TMEM132B: variants seen among roughly 807,000 people sequenced by gnomAD.
TMEM132B encodes transmembrane protein 132B.
A neutral mutation model predicts 90.8 loss-of-function variants in TMEM132B; 18 were observed. The ratio of observed to expected loss-of-function variants is 0.20; its 90% CI spans 0.14 to 0.29. The LOEUF (loss-of-function observed/expected upper bound fraction) is 0.29. TMEM132B is among the 10% of genes least tolerant of loss of function. The pLI is 1.00. For synonymous variants in TMEM132B, 504 were observed against 523.3 expected, an observed-to-expected ratio of 0.96 and a Z score of 0.50; for missense variants, 1,096 against 1,326.8, an observed-to-expected ratio of 0.83 and a Z score of 2.70.
intron 3 of TMEM132B, among the ~76,000 whole-genome samples, chr12:125,434,565 T>C (rs1471913165): frequency 6.6e-6 from 1 of 152,158 alleles, no homozygotes; most frequent in Non-Finnish European, 1.5e-5. Flanking sequence ...CCAGCCTCAG[T>C]GGCCGCCCTG....
chr12:125,444,444 C>T (rs1310568092), intron 3 of TMEM132B, among the ~76,000 whole-genome samples: 1 of 152,146 alleles, frequency 6.6e-6, no homozygotes, highest in East Asian at 1.9e-4. Context: ...CCTCTTACTA[C>T]TCTTTCATAT....
At chr12:125,543,711 G>A (rs1244540458) in intron 4 of TMEM132B, among the ~76,000 whole-genome samples, 2 of 152,294 alleles carry the variant, frequency 1.3e-5, no homozygotes. Flanking sequence ...AGATGCTGGC[G>A]AGGTTGCGGA....
At chr12:125,434,649 C>T (rs572080727) in intron 3 of TMEM132B, among the ~76,000 whole-genome samples, 3 of 152,330 alleles carry the variant, frequency 2.0e-5, no homozygotes, top group East Asian at 1.9e-4. Context: ...CGCGTTCCAT[C>T]GAGGGGTCTC....
At chr12:125,241,725 T>C (rs1413271927) in intron 1 of TMEM132B, among the ~76,000 whole-genome samples, 1 of 152,220 alleles carries the variant, frequency 6.6e-6, no homozygotes, top group East Asian at 1.9e-4. Context: ...ACGTTTCTGC[T>C]GCTAGAAGCC....
intron 5 of TMEM132B, among the ~76,000 whole-genome samples, chr12:125,608,187 C>T (rs1027677291): frequency 1.3e-5 from 2 of 152,144 alleles, no homozygotes; most frequent in African/African-American, 4.8e-5. Flanking sequence ...ACAGTGGTTG[C>T]ACCATTTTAC....
chr12:125,401,981 A>G (rs1425586743), intron 2 of TMEM132B, among the ~76,000 whole-genome samples: 1 of 152,220 alleles, frequency 6.6e-6, no homozygotes, highest in Non-Finnish European at 1.5e-5. Flanking sequence ...CCAGTTTTCT[A>G]TAACTATACA....
At chr12:125,320,405 T>C (rs1876397703) in intron 1 of TMEM132B, among the ~76,000 whole-genome samples, 2 of 152,248 alleles carry the variant, frequency 1.3e-5, no homozygotes, top group Admixed American at 1.3e-4. Flanking sequence ...TAACGGTGGC[T>C]GTAATAATCT....
chr12:125,465,758 C>T (rs1343284502), intron 3 of TMEM132B, among the ~76,000 whole-genome samples: 2 of 152,204 alleles, frequency 1.3e-5, no homozygotes, highest in African/African-American at 4.8e-5. Context: ...ATCTGGGCAA[C>T]CCATCAATCG....
chr12:125,524,116 TA>T (rs933640331), intron 4 of TMEM132B, among the ~76,000 whole-genome samples: 3 of 152,238 alleles, frequency 2.0e-5, no homozygotes, highest in African/African-American at 7.2e-5. Context: ...GCTGGTCACC[TA>T]ACCTCCCTTT....
At chr12:125,288,378 G>A (rs1245315344) in intron 1 of TMEM132B, among the ~76,000 whole-genome samples, 1 of 148,894 alleles carries the variant, frequency 6.7e-6, no homozygotes, top group Non-Finnish European at 1.5e-5. Context: ...CAGGAGAATA[G>A]CTTGAATCCC....
At position 125,251,608 on chromosome 12, in the gene TMEM132B, C is replaced by T. The variant is rs557743142; in HGVS notation, c.67+64742C>T. 7.2e-5 allele frequency among the ~76,000 whole-genome samples: 11 copies of T among 152,246 alleles called. No homozygotes were observed. The highest frequency in any genetic ancestry group is 2.6e-4 in the Admixed American group (4 of 15,294). ...AAGAAAAATAGCATTATAAACTCAACGAGGCAACTGATACCCAGGCTCGGG... is the reference window on the plus strand; with the variant it reads ...AAGAAAAATAGCATTATAAACTCAATGAGGCAACTGATACCCAGGCTCGGG... On this transcript the variant is annotated intron_variant, in intron 1 of 8. Transcript: ENST00000682704. The surrounding 1 kb of genome is among the most constrained non-coding windows in gnomAD (Gnocchi z 4.4).
chr12:125,339,044 A>G (rs143933020), intron 1 of TMEM132B, among the ~76,000 whole-genome samples: 100 of 152,296 alleles, frequency 6.6e-4, no homozygotes, highest in African/African-American at 2.2e-3. Context: ...CAATGTGTAG[A>G]TCCTCACCTC....
chr12:125,447,624 T>A (rs1725457707), intron 3 of TMEM132B, among the ~76,000 whole-genome samples: 1 of 152,208 alleles, frequency 6.6e-6, no homozygotes. Flanking sequence ...TCTTCCTACA[T>A]CTCTAATCAT....
At chr12:125,525,158 C>T (rs1474665834) in intron 4 of TMEM132B, among the ~76,000 whole-genome samples, 2 of 152,110 alleles carry the variant, frequency 1.3e-5, no homozygotes, top group African/African-American at 2.4e-5. Flanking sequence ...GGCTTGCATA[C>T]TAGGCTAGGA....
At chr12:125,294,911 G>A (rs1378485590) in intron 1 of TMEM132B, among the ~76,000 whole-genome samples, 2 of 152,074 alleles carry the variant, frequency 1.3e-5, no homozygotes, top group African/African-American at 4.8e-5. Flanking sequence ...AATGAAAGTG[G>A]TGTATACAAT....
intron 3 of TMEM132B, among the ~76,000 whole-genome samples, chr12:125,463,545 C>T (rs184631539): frequency 2.0e-5 from 3 of 152,254 alleles, no homozygotes; most frequent in Admixed American, 6.5e-5. Flanking sequence ...TTTGGGACTC[C>T]ATGACCGTGC....
chr12:125,626,907 C>G (rs972433440), intron 5 of TMEM132B, among the ~76,000 whole-genome samples: 1 of 152,046 alleles, frequency 6.6e-6, no homozygotes, highest in African/African-American at 2.4e-5. Flanking sequence ...TTTTATCTCT[C>G]TTTTTGGGAT....
At chr12:125,476,189 A>C (rs999590174) in intron 3 of TMEM132B, among the ~76,000 whole-genome samples, 2 of 152,160 alleles carry the variant, frequency 1.3e-5, no homozygotes, top group African/African-American at 4.8e-5. Flanking sequence ...TATAACATGA[A>C]ATTAACCATT....
intron 3 of TMEM132B, among the ~76,000 whole-genome samples, chr12:125,484,120 G>A (rs555746803): frequency 9.3e-4 from 142 of 152,154 alleles, no homozygotes; most frequent in African/African-American, 3.3e-3. Flanking sequence ...GGTTGGTCTC[G>A]AACTCCTGGC....
Sources: gnomAD v4.1 joint callset for allele counts (sites outside exome capture counted in the v4.1 genomes callset) on GRCh38, gnomAD v4.1.1 for gene constraint, Gnocchi (gnomAD v3.1) non-coding constraint, MANE v1.5 for transcripts, NCBI Gene and HGNC (gene_info 2026-07-23, HGNC 2026-07-21) for gene names.